The following CORO7 variants were observed in gnomAD, a reference collection of about 807,000 sequenced individuals.
CORO7 encodes the protein coronin 7.
In CORO7, 107 loss-of-function variants were observed where a neutral mutation model predicts 126.6. The observed-to-expected ratio is 0.85, with a 90% CI of 0.72 to 0.99. CORO7 has a LOEUF of 0.99. CORO7 is among the 50% of genes least tolerant of loss of function. CORO7 has a pLI of 0.00. For synonymous variants in CORO7, 603 were observed against 536.8 expected, an observed-to-expected ratio of 1.12 and a Z score of -1.70; for missense variants, 1,314 against 1,255.8, an observed-to-expected ratio of 1.05 and a Z score of -0.70.
chr16:4,365,104 T>C, intron 10 of CORO7, 44 bp from the exon 11 acceptor site: 1 of 1,563,366 alleles, frequency 6.4e-7, no homozygotes, highest in Non-Finnish European at 8.7e-7. Context: ...ACTGAACCCC[T>C]GGGGAGGGCC....
intron 6 of CORO7, 23 bp downstream of exon 6, chr16:4,405,468 G>C: frequency 6.2e-7 from 1 of 1,608,568 alleles, no homozygotes; most frequent in South Asian, 1.1e-5. Context: ...AGCCCCACAG[G>C]GCATCCCCAC....
At chr16:4,364,011 C>A (rs2054268443) in intron 14 of CORO7, among the ~76,000 whole-genome samples, 1 of 151,992 alleles carries the variant, frequency 6.6e-6, no homozygotes, top group African/African-American at 2.4e-5. Context: ...AAGAGCGAAA[C>A]TCTGTCTCAA....
intron 7 of CORO7, among the ~76,000 whole-genome samples, chr16:4,390,457 G>A (rs1041356069): frequency 2.6e-5 from 4 of 152,220 alleles, no homozygotes; most frequent in African/African-American, 9.7e-5. Flanking sequence ...CTGTAAGTGA[G>A]GGAAGACCTA....
chr16:4,388,626 C>A lies in CORO7; in HGVS notation c.621G>T (p.Thr207=), dbSNP rs112728382. The A allele has an allele frequency of 5.6e-6, 9 of 1,611,114 alleles. No individual in the cohort carries two copies. The highest frequency in any genetic ancestry group is 1.1e-5 in the South Asian group (1 of 90,416). Residue 207 remains threonine (T), a synonymous_variant, in exon 8 of 28, where the codon ACG becomes ACT. Coordinates refer to ENST00000251166, the MANE Select transcript of CORO7 (RefSeq NM_024535.5). ...PRTKPRASQS[T]QAHENSRDSR... ...TATCCCTGCTGTTCTCATGGGCCTG[C>A]GTGCTCTGCAGGAGGCAAGAGGTGG...
chr16:4,380,363 C>G (rs921717689), intron 9 of CORO7, among the ~76,000 whole-genome samples: 4 of 152,244 alleles, frequency 2.6e-5, no homozygotes, highest in Admixed American at 2.0e-4. Flanking sequence ...CATGTGAAGT[C>G]TTCCCGCTGC....
chr16:4,405,594 C>T (rs367788034), intron 5 of CORO7, 27 bp from the exon 6 acceptor site: 2 of 1,608,592 alleles, frequency 1.2e-6, no homozygotes, highest in Admixed American at 3.3e-5. Context: ...ACAGTCAGGT[C>T]CCGGGCAGTG....
chr16:4,387,991 C>G lies in CORO7; in HGVS notation c.780G>C (p.Ser260=). Residue 260 remains serine (S), a synonymous_variant, in exon 9 of 28, where the codon TCG becomes TCC. Coordinates refer to ENST00000251166, the MANE Select transcript of CORO7 (RefSeq NM_024535.5). The part of the protein sequence containing the change: ...SALASLTLDT[S]LGCLVPLLDP... ...CTGCGTGCCGCAGCTCCTACCCAAGCGAGGTGTCCAAGGTGAGGGAGGCCA... is the reference window on the plus strand; with the variant it reads ...CTGCGTGCCGCAGCTCCTACCCAAGGGAGGTGTCCAAGGTGAGGGAGGCCA... 2 of 1,613,030 alleles carry G rather than the reference C, an allele frequency of 1.2e-6. No individual in the cohort carries two copies. Among genetic ancestry groups the G allele is most frequent in the Non-Finnish European group, 1.7e-6 (2 of 1,179,868 alleles).
In CORO7 at chr16:4,413,356, G is replaced by C; in HGVS notation, c.109C>G (p.His37Asp). The change falls in exon 2 of 28, where the codon CAC becomes GAC. Residue 37 changes from histidine (H) to aspartate (D), a missense_variant. Transcript: ENST00000251166. The stretch of plus-strand genomic sequence containing the variant: ...ATCAAGCTGCAGCTTGATTTGATGT[G>C]GTTCCTGCATGAAGGGGCGGTTCCT... Reference protein sequence around the residue: ...RAGTAPSCRNHIKSSCSLIAF... With the variant: ...RAGTAPSCRNDIKSSCSLIAF... The C allele has an allele frequency of 1.3e-6, 2 of 1,586,926 alleles. No homozygotes were observed. Among genetic ancestry groups the C allele is most frequent in the Non-Finnish European group, 1.7e-6 (2 of 1,165,676 alleles).
At position 4,395,908 on chromosome 16, in the gene CORO7, A is replaced by C. The variant is rs142695006; in HGVS notation, c.565-569T>G. 2.6e-3 allele frequency among the ~76,000 whole-genome samples: 393 copies of C among 152,288 alleles called. 2 individuals are homozygous for C. The highest frequency in any genetic ancestry group is 8.1e-3 in the African/African-American group (336 of 41,554). On this transcript the variant is annotated intron_variant, in intron 6 of 27. Coordinates refer to ENST00000251166, the MANE Select transcript of CORO7 (RefSeq NM_024535.5). ...TCCAAAGGGAGGATGGAAACAGACA[A>C]AAAGCAGAAAAAAATGTACTGAAAT... is the stretch of plus-strand genomic sequence containing the variant.
In CORO7 at chr16:4,360,761, C is replaced by T. The variant is rs1465607938; in HGVS notation, c.1917+182G>A. 6.4e-5 allele frequency among the ~76,000 whole-genome samples: 9 copies of T among 141,052 alleles called. 1 individual carries two copies. The highest frequency in any genetic ancestry group is 4.2e-4 in the Admixed American group (6 of 14,214). The allele number at this position is 141,052 out of a possible 152,430, so 92.5% of individuals were successfully genotyped here. The stretch of plus-strand genomic sequence containing the variant: ...CAATGCTAGCCCGGCCCCTCCTCAC[C>T]GCTGGCCCTGCCCCTCCTCACCACT... On this transcript the variant is annotated intron_variant, in intron 19 of 27. Coordinates refer to ENST00000251166, the MANE Select transcript of CORO7 (RefSeq NM_024535.5).
rs2141181812 is a variant in CORO7, at chr16:4,360,292, C to T, written c.2094G>A (p.Val698=). Residue 698 remains valine, a synonymous_variant, in exon 21 of 28, where the codon GTG becomes GTA. Transcript: ENST00000251166. ...TGAGTCCTCACCTGTCAAAGCCAGA[C>T]ACCAGCAGACAGCGACCATCACATA... The part of the protein sequence containing the change: ...VWVCDGRCLL[V]SGFDSQSERQ... 1.2e-6 allele frequency: 2 copies of T among 1,613,648 alleles called. No individual in the cohort carries two copies. The highest frequency in any genetic ancestry group is 2.2e-5 in the East Asian group (1 of 44,846).
intron 6 of CORO7, among the ~76,000 whole-genome samples, chr16:4,400,517 C>T (rs991377191): frequency 2.6e-5 from 4 of 152,016 alleles, no homozygotes; most frequent in Non-Finnish European, 4.4e-5. Flanking sequence ...CCTGTAATCC[C>T]AGCTACTCGG....
At chr16:4,363,442 C>A (rs978260794) in intron 14 of CORO7, among the ~76,000 whole-genome samples, 1 of 151,876 alleles carries the variant, frequency 6.6e-6, no homozygotes, top group Non-Finnish European at 1.5e-5. Context: ...CGTGGTGGTG[C>A]GCGCCTGTAA....
chr16:4,408,363 C>T, intron 3 of CORO7, 112 bp from the exon 4 acceptor site: 1 of 1,451,358 alleles, frequency 6.9e-7, no homozygotes, highest in East Asian at 2.4e-5. Context: ...AAACAGGCTA[C>T]AAGTCTACAA....
intron 9 of CORO7, among the ~76,000 whole-genome samples, chr16:4,384,530 C>T (rs531478766): frequency 1.3e-5 from 2 of 152,342 alleles, no homozygotes; most frequent in South Asian, 2.1e-4. Context: ...GTCATGGCCC[C>T]GGCCCCCAGC....
chr16:4,409,954 C>T (rs1448478251), intron 3 of CORO7, among the ~76,000 whole-genome samples: 4 of 152,186 alleles, frequency 2.6e-5, no homozygotes, highest in South Asian at 2.1e-4. Context: ...AGCAGTTTCC[C>T]GGCAGGGCTG....
At chr16:4,366,768 C>G (rs1029160835) in intron 9 of CORO7, among the ~76,000 whole-genome samples, 1 of 152,072 alleles carries the variant, frequency 6.6e-6, no homozygotes, top group African/African-American at 2.4e-5. Flanking sequence ...GTCTCAAACT[C>G]CTGGCCTCAA....
intron 7 of CORO7, among the ~76,000 whole-genome samples, chr16:4,391,097 A>T (rs1596318439): frequency 2.0e-5 from 3 of 152,136 alleles, no homozygotes; most frequent in East Asian, 1.9e-4. Context: ...TTACCCTGTA[A>T]CTCCTCATCA....
chr16:4,391,725 G>A (rs1457129092), intron 7 of CORO7, among the ~76,000 whole-genome samples: 4 of 152,190 alleles, frequency 2.6e-5, no homozygotes, highest in South Asian at 2.1e-4. Flanking sequence ...AGCGAGACCC[G>A]TTTGCCAGCC....
Sources: allele counts gnomAD v4.1 joint callset (sites outside exome capture counted in the v4.1 genomes callset), GRCh38; gene constraint gnomAD v4.1.1; transcripts MANE v1.5; gene names NCBI Gene and HGNC (gene_info 2026-07-23, HGNC 2026-07-21).